DPH6: variants seen among roughly 807,000 people sequenced by gnomAD.
DPH6 encodes diphthine--ammonia ligase.
Under a neutral mutation model 38.2 loss-of-function variants are expected in DPH6, and 33 were observed. The observed-to-expected ratio is 0.86, with a 90% CI of 0.65 to 1.15. DPH6 has a LOEUF of 1.15. Ranked by LOEUF, DPH6 falls within the 50% of genes most tolerant of loss-of-function variation. DPH6 has a pLI of 0.00. For synonymous variants in DPH6, 108 were observed against 103.0 expected (o/e 1.05, Z -0.30); for missense variants, 325 against 320.0 (o/e 1.02, Z -0.12).
chr15:35,439,019 G>A (rs2053751571), intron 5 of DPH6, among the ~76,000 whole-genome samples: 1 of 152,136 alleles, frequency 6.6e-6, no homozygotes, highest in Admixed American at 6.5e-5. Flanking sequence ...TGAAATAAAA[G>A]CACAACAAAG....
chr15:35,451,781 C>A (rs932807948), intron 4 of DPH6, among the ~76,000 whole-genome samples: 1 of 152,128 alleles, frequency 6.6e-6, no homozygotes, highest in Non-Finnish European at 1.5e-5. Context: ...GAGGCCAAGG[C>A]GGGTGGATCA....
chr15:35,397,583 AT>A (rs1167018436), intron 6 of DPH6, among the ~76,000 whole-genome samples: 5 of 152,170 alleles, frequency 3.3e-5, no homozygotes, highest in Non-Finnish European at 7.4e-5. Context: ...GCAATGGGGA[AT>A]GCTGAGGACC....
At chr15:35,157,472 C>T in the DPH6 span, among the ~76,000 whole-genome samples, 1 of 151,992 alleles carries the variant, frequency 6.6e-6, no homozygotes, top group African/African-American at 2.4e-5. Flanking sequence ...TCCATGAGCA[C>T]CTCTATCCCC....
At chr15:35,287,183 T>C (rs2051949185) in intron 3 of DPH6, among the ~76,000 whole-genome samples, 1 of 152,144 alleles carries the variant, frequency 6.6e-6, no homozygotes. Flanking sequence ...CAAGAGATGA[T>C]ATATTAGAAA....
chr15:35,538,365 A>G lies in DPH6; in HGVS notation c.221T>C (p.Ile74Thr). The G allele has an allele frequency of 1.9e-6, 3 of 1,611,960 alleles. No individual in the cohort carries two copies. The highest frequency in any genetic ancestry group is 2.5e-6 in the Non-Finnish European group (3 of 1,178,412). ...TCTTGTATCCAAGCTCCTTCCTCTT[A>G]TGGTTCGGCGATAGAGGGGAAGAGC... ...AMALPLYRRTIRGRSLDTRQV... is the reference protein window; with the variant it reads ...AMALPLYRRTTRGRSLDTRQV... The change falls in exon 3 of 9, where the codon ATA becomes ACA. Residue 74 changes from isoleucine to threonine, a missense_variant. Physicochemically the swap from Ile to Thr is moderately conservative, Grantham distance 89. Transcript: ENST00000256538.
At chr15:35,339,221 T>A in intron 3 of DPH6, among the ~76,000 whole-genome samples, 1 of 151,448 alleles carries the variant, frequency 6.6e-6, no homozygotes, top group South Asian at 2.1e-4. Flanking sequence ...AATTTCCCTC[T>A]TAACACTGTT....
chr15:35,196,564 T>G, the DPH6 span, among the ~76,000 whole-genome samples: 3 of 152,190 alleles, frequency 2.0e-5, no homozygotes, highest in Non-Finnish European at 4.4e-5. Context: ...TTCTGGGTAG[T>G]TGATCCACAG....
intron 5 of DPH6, among the ~76,000 whole-genome samples, chr15:35,440,960 G>C (rs2053779578): frequency 1.3e-5 from 2 of 151,922 alleles, no homozygotes; most frequent in Admixed American, 6.6e-5. Flanking sequence ...AAATTTACAA[G>C]AAAAAACAAA....
At chr15:35,426,498 T>C (rs1198703798) in intron 5 of DPH6, among the ~76,000 whole-genome samples, 1 of 151,772 alleles carries the variant, frequency 6.6e-6, no homozygotes, top group East Asian at 1.9e-4. Context: ...TGTAGAAGCA[T>C]TAATTAACAT....
chr15:35,299,428 C>T lies in DPH6; in HGVS notation n.200+74093G>A, dbSNP rs377428155. 7.4e-5 allele frequency: 58 copies of T among 783,118 alleles called. 5 individuals carry two copies. The highest frequency in any genetic ancestry group is 4.1e-4 in the East Asian group (17 of 41,228). The allele number at this position is 783,118 out of a possible 1,614,324, so 48.5% of individuals were successfully genotyped here. ...TTTTGAGTCACTGGTTTCCTCTGAT[C>T]GTACAGGGACATCTTTTCTTCGGTT... is the stretch of plus-strand genomic sequence containing the variant. On this transcript the variant is annotated intron_variant and non_coding_transcript_variant, in intron 3 of 3. Transcript: ENST00000560386.
At chr15:35,187,551 G>C in the DPH6 span, among the ~76,000 whole-genome samples, 1 of 152,092 alleles carries the variant, frequency 6.6e-6, no homozygotes, top group African/African-American at 2.4e-5. Flanking sequence ...TTTTTGTCCA[G>C]TTGCTCAAGG....
At chr15:35,416,046 G>A (rs2053431658) in intron 5 of DPH6, among the ~76,000 whole-genome samples, 1 of 151,984 alleles carries the variant, frequency 6.6e-6, no homozygotes, top group African/African-American at 2.4e-5. Flanking sequence ...TTTAGACCAT[G>A]GGTATCCAAT....
chr15:35,496,563 AAAAAATATATAT>A lies in DPH6; in HGVS notation c.312+41699_312+41710del, dbSNP rs2054553756. On this transcript the variant is annotated intron_variant, in intron 3 of 8. Transcript: ENST00000256538. ...AGACGAAAGTTCCATCTCAAAAAAAAAAAAATATATATATATATATATATATATCCTCTACCA... is the reference window on the plus strand; with the variant it reads ...AGACGAAAGTTCCATCTCAAAAAAAAATATATATATATATATCCTCTACCA... Among the ~76,000 whole-genome samples, 3 of 16,016 alleles carry A rather than the reference AAAAAATATATAT, an allele frequency of 1.9e-4. No individual in the cohort carries two copies. In the Admixed American group the frequency reaches 2.2e-3, roughly 12 times the overall value. 10.5% of individuals were successfully genotyped at this position (16,016 alleles called of 152,430 possible).
chr15:35,245,079 A>C (rs1055071950), intron 3 of DPH6, among the ~76,000 whole-genome samples: 2 of 152,128 alleles, frequency 1.3e-5, no homozygotes, highest in African/African-American at 4.8e-5. Context: ...TGTGATTTAA[A>C]TATGAACCAC....
intron 3 of DPH6, among the ~76,000 whole-genome samples, chr15:35,348,735 AC>A (rs1322244094): frequency 2.0e-5 from 3 of 152,170 alleles, no homozygotes; most frequent in East Asian, 3.8e-4. Context: ...TCTGTAGATT[AC>A]AGTACAAATA....
intron 3 of DPH6, among the ~76,000 whole-genome samples, chr15:35,525,589 G>A (rs1028358341): frequency 6.6e-6 from 1 of 152,098 alleles, no homozygotes; most frequent in Non-Finnish European, 1.5e-5. Flanking sequence ...GGTTAAAATA[G>A]TAGCTGTTAA....
At chr15:35,166,505 G>A in the DPH6 span, among the ~76,000 whole-genome samples, 10 of 151,952 alleles carry the variant, frequency 6.6e-5, no homozygotes, top group East Asian at 5.8e-4. Flanking sequence ...ACTTAGAAGG[G>A]TAGACAGAAA....
chr15:35,322,453 G>C (rs1386768161), intron 3 of DPH6, among the ~76,000 whole-genome samples: 2 of 152,202 alleles, frequency 1.3e-5, no homozygotes, highest in African/African-American at 4.8e-5. Flanking sequence ...GCAAAATGGA[G>C]TCAACTATGT....
the DPH6 span, among the ~76,000 whole-genome samples, chr15:35,158,679 T>G: frequency 1.3e-5 from 2 of 152,134 alleles, no homozygotes; most frequent in Non-Finnish European, 2.9e-5. Flanking sequence ...GCTTTTGAAT[T>G]TTTTAGTTAT....
Sources: gnomAD v4.1 joint callset for allele counts (sites outside exome capture counted in the v4.1 genomes callset) on GRCh38, gnomAD v4.1.1 for gene constraint, MANE v1.5 for transcripts, NCBI Gene and HGNC (gene_info 2026-07-23, HGNC 2026-07-21) for gene names.